The following JMJD1C variants were observed in gnomAD, a reference collection of about 807,000 sequenced individuals.
JMJD1C encodes the protein jumonji domain-containing protein 1C.
A neutral mutation model predicts 245.3 loss-of-function variants in JMJD1C; 31 were observed. The observed-to-expected ratio is 0.13, with a 90% CI of 0.09 to 0.17. The LOEUF (loss-of-function observed/expected upper bound fraction) is 0.17. Ranked by LOEUF, JMJD1C falls within the 10% of genes least tolerant of loss-of-function variation. The pLI, the probability that JMJD1C is intolerant of heterozygous loss-of-function variation, is 1.00. For synonymous variants in JMJD1C, 1,057 were observed against 1,017.4 expected (o/e 1.04, Z -0.74); for missense variants, 2,691 against 3,000.2 (o/e 0.90, Z 2.41).
chr10:63,257,759 C>CATTTTCT (rs1854159708), intron 3 of JMJD1C, among the ~76,000 whole-genome samples: 1 of 152,132 alleles, frequency 6.6e-6, no homozygotes, highest in Admixed American at 6.5e-5. Flanking sequence ...GTCATCTTTT[C>CATTTTCT]TAATATCATT....
intron 24 of JMJD1C, among the ~76,000 whole-genome samples, chr10:63,175,374 AT>A (rs1283678563): frequency 6.6e-6 from 1 of 152,236 alleles, no homozygotes; most frequent in Non-Finnish European, 1.5e-5. Context: ...AGAAAAAGGT[AT>A]TTATTATTAT....
intron 3 of JMJD1C, among the ~76,000 whole-genome samples, chr10:63,242,801 G>A (rs1851650262): frequency 6.6e-6 from 1 of 151,838 alleles, no homozygotes; most frequent in African/African-American, 2.4e-5. Context: ...TACCCAAACA[G>A]ACCTATTTAT....
At chr10:63,489,086 G>A (rs1046159857) in intron 1 of JMJD1C, among the ~76,000 whole-genome samples, 2 of 152,156 alleles carry the variant, frequency 1.3e-5, no homozygotes, top group African/African-American at 2.4e-5. Context: ...CAAACCTACT[G>A]TGTTGCTAGT....
intron 1 of JMJD1C, among the ~76,000 whole-genome samples, chr10:63,507,843 C>T (rs1009678478): frequency 3.3e-5 from 5 of 152,026 alleles, no homozygotes; most frequent in Admixed American, 6.5e-5. Flanking sequence ...CATCTTTTCA[C>T]GTGTTTACCT....
intron 1 of JMJD1C, among the ~76,000 whole-genome samples, chr10:63,502,985 A>C (rs1954608020): frequency 6.6e-6 from 1 of 152,200 alleles, no homozygotes; most frequent in Non-Finnish European, 1.5e-5. Context: ...AATGATCTTC[A>C]AAATAACTCC....
At chr10:63,343,726 C>T (rs767111252) in intron 2 of JMJD1C, among the ~76,000 whole-genome samples, 1 of 152,054 alleles carries the variant, frequency 6.6e-6, no homozygotes, top group East Asian at 1.9e-4. Context: ...CACTGTACTG[C>T]AATTATTTTT....
At chr10:63,340,417 G>GT (rs967690692) in intron 2 of JMJD1C, among the ~76,000 whole-genome samples, 1 of 152,164 alleles carries the variant, frequency 6.6e-6, no homozygotes, top group Admixed American at 6.5e-5. Context: ...TGTGTGTGTG[G>GT]TTTTTTGTTT....
In JMJD1C at chr10:63,456,437, C is replaced by A. The variant is rs144028105; in HGVS notation, c.168+9058G>T. On this transcript the variant is annotated intron_variant, in intron 1 of 25. Coordinates refer to ENST00000399262, the MANE Select transcript of JMJD1C (RefSeq NM_032776.3). ...TCACAATATAGAGAGGAAATAAATT[C>A]TGTTAAATATACAGTCATTTTATAT... 3.6e-4 allele frequency among the ~76,000 whole-genome samples: 55 copies of A among 152,234 alleles called. No individual in the cohort carries two copies. The East Asian group carries it at 9.6e-3, about 27-fold the overall frequency.
chr10:63,283,683 T>C (rs1355156765), intron 2 of JMJD1C, among the ~76,000 whole-genome samples: 2 of 152,240 alleles, frequency 1.3e-5, no homozygotes, highest in East Asian at 1.9e-4. Flanking sequence ...AGCTTTTTAA[T>C]AGAACCATTC....
intron 10 of JMJD1C, among the ~76,000 whole-genome samples, chr10:63,201,110 T>C (rs1201400237): frequency 6.6e-6 from 1 of 152,242 alleles, no homozygotes; most frequent in African/African-American, 2.4e-5. Context: ...AAGGTTTATA[T>C]AGTTAGAAAC....
intron 2 of JMJD1C, among the ~76,000 whole-genome samples, chr10:63,375,535 CGTGTGTGTGTGT>C (rs1206144769): frequency 6.8e-6 from 1 of 147,374 alleles, no homozygotes; most frequent in Admixed American, 6.8e-5. Flanking sequence ...AATATTTACA[CGTGTGTGTGTGT>C]GTGTGTGTGT....
intron 3 of JMJD1C, among the ~76,000 whole-genome samples, chr10:63,225,070 A>G (rs1275730580): frequency 2.6e-5 from 4 of 152,052 alleles, no homozygotes; most frequent in Admixed American, 6.5e-5. Flanking sequence ...CGAAAAAAAA[A>G]GAAAAAAATC....
rs1300362421 is a variant in JMJD1C at position 63,316,690 on chromosome 10, C to T, written c.334-51926G>A. On this transcript the variant is annotated intron_variant, in intron 2 of 25. Coordinates refer to ENST00000399262, the MANE Select transcript of JMJD1C (RefSeq NM_032776.3). ...CTTGAACTCCTGACCTCAGGTGATCCGCCCACCTCGGCCTCCCAAAGTGCT... is the reference window on the plus strand; with the variant it reads ...CTTGAACTCCTGACCTCAGGTGATCTGCCCACCTCGGCCTCCCAAAGTGCT... 3.3e-5 allele frequency among the ~76,000 whole-genome samples: 5 copies of T among 152,140 alleles called. No individual in the cohort carries two copies. The East Asian group carries it at 5.8e-4, about 18-fold the overall frequency.
At chr10:63,356,303 G>A (rs1157185429) in intron 2 of JMJD1C, among the ~76,000 whole-genome samples, 1 of 152,120 alleles carries the variant, frequency 6.6e-6, no homozygotes, top group Non-Finnish European at 1.5e-5. Flanking sequence ...TCACTAAAAA[G>A]TGGGAGATAC....
intron 22 of JMJD1C, among the ~76,000 whole-genome samples, chr10:63,179,796 A>G (rs1029702197): frequency 5.3e-5 from 8 of 152,006 alleles, no homozygotes. Flanking sequence ...AAAAAAAAAA[A>G]AATCATGTCT....
intron 2 of JMJD1C, among the ~76,000 whole-genome samples, chr10:63,274,215 T>C (rs1173312143): frequency 1.3e-5 from 2 of 152,232 alleles, no homozygotes; most frequent in African/African-American, 4.8e-5. Context: ...CTGTAAAATC[T>C]ATGAAAATAC....
At position 63,341,635 on chromosome 10, in the gene JMJD1C, C is replaced by T. The variant is rs574761840; in HGVS notation, c.333+38683G>A. Among the ~76,000 whole-genome samples the T allele has an allele frequency of 8.5e-5, 13 of 152,306 alleles. No individual in the cohort carries two copies. In the South Asian group the frequency reaches 2.7e-3, roughly 32 times the overall value. On this transcript the variant is annotated intron_variant, in intron 2 of 25. Coordinates refer to ENST00000399262, the MANE Select transcript of JMJD1C (RefSeq NM_032776.3). ...GTAGCTCATGTTCACTGCAGAGAAG[C>T]TGGACAGAATGATGACTGCAAGATT...
intron 1 of JMJD1C, among the ~76,000 whole-genome samples, chr10:63,436,699 G>T (rs984720559): frequency 2.0e-5 from 3 of 151,910 alleles, no homozygotes; most frequent in Non-Finnish European, 4.4e-5. Context: ...CTTCTTTAAT[G>T]ATTTTGTCCT....
In JMJD1C at chr10:63,518,898, A is replaced by G. The variant is rs2133309595; in HGVS notation, n.113+2840T>C. ...CAGTTCCGCTATCTATCCCAGTATA[A>G]TGTAAACAAGCTTGGGAAGCATGAA... On this transcript the variant is annotated intron_variant and non_coding_transcript_variant, in intron 1 of 3. Coordinates refer to the JMJD1C transcript ENST00000633035. 2.0e-5 allele frequency among the ~76,000 whole-genome samples: 3 copies of G among 152,330 alleles called. No individual in the cohort carries two copies. The South Asian group carries it at 6.2e-4, about 32-fold the overall frequency.
Sources: allele counts gnomAD v4.1 joint callset (sites outside exome capture counted in the v4.1 genomes callset), GRCh38; gene constraint gnomAD v4.1.1; transcripts MANE v1.5; gene names NCBI Gene and HGNC (gene_info 2026-07-23, HGNC 2026-07-21).